The following DMXL1 variants were observed in gnomAD, a reference collection of about 807,000 sequenced individuals.
DMXL1 encodes Dmx like 1.
In DMXL1, 99 loss-of-function variants were observed where a neutral mutation model predicts 319.2. The observed-to-expected ratio is 0.31, with a 90% CI of 0.26 to 0.37. The LOEUF (loss-of-function observed/expected upper bound fraction) is 0.37, where lower values mean the gene tolerates loss of function less well. DMXL1 is among the 10% of genes least tolerant of loss of function. The pLI is 1.00. For missense variants in DMXL1, 3,745 were observed against 3,595.6 expected, an observed-to-expected ratio of 1.04 and a Z score of -1.06; for synonymous variants, 1,385 against 1,235.2, an observed-to-expected ratio of 1.12 and a Z score of -2.54.
chr5:119,101,047 C>T (rs1411677396), intron 2 of DMXL1, among the ~76,000 whole-genome samples: 1 of 152,066 alleles, frequency 6.6e-6, no homozygotes, highest in African/African-American at 2.4e-5. Context: ...TCCCAAAGTG[C>T]TGGGATTACA....
At chr5:119,236,285 G>A (rs1220784540) in intron 39 of DMXL1, 2 of 151,928 alleles carry the variant, frequency 1.3e-5, no homozygotes, top group East Asian at 1.9e-4. Flanking sequence ...TTACCACATA[G>A]GATTTAATTT....
intron 1 of DMXL1, among the ~76,000 whole-genome samples, chr5:119,097,584 G>A (rs1392742531): frequency 6.6e-6 from 1 of 152,172 alleles, no homozygotes; most frequent in Non-Finnish European, 1.5e-5. Flanking sequence ...GGGCGTGGTG[G>A]TGGGCACCTG....
chr5:119,181,878 C>T (rs1456354883), intron 28 of DMXL1, among the ~76,000 whole-genome samples: 3 of 152,164 alleles, frequency 2.0e-5, no homozygotes, highest in South Asian at 2.1e-4. Flanking sequence ...GGGAAAGAAG[C>T]GAAGGTCCTG....
At chr5:119,217,394 A>G (rs1475378990) in intron 35 of DMXL1, among the ~76,000 whole-genome samples, 1 of 152,158 alleles carries the variant, frequency 6.6e-6, no homozygotes, top group Non-Finnish European at 1.5e-5. Flanking sequence ...TACCTCCGAT[A>G]GCTGCCCAAC....
At chr5:119,177,852 C>T (rs376810808) in intron 27 of DMXL1, 144 bp from the exon 28 acceptor site, 8 of 670,088 alleles carry the variant, frequency 1.2e-5, no homozygotes, top group African/African-American at 5.5e-5. Context: ...ATAATAACCG[C>T]TACTAGTCTG....
chr5:119,196,340 G>A (rs567240667), intron 30 of DMXL1, 31 bp from the exon 31 acceptor site: 95 of 1,558,544 alleles, frequency 6.1e-5, no homozygotes, highest in Non-Finnish European at 7.5e-5. Context: ...TATAGAAATA[G>A]TTAACAGATC....
At chr5:119,087,878 T>A (rs1382261865) in intron 1 of DMXL1, among the ~76,000 whole-genome samples, 1 of 152,182 alleles carries the variant, frequency 6.6e-6, no homozygotes, top group East Asian at 1.9e-4. Flanking sequence ...CTCTGCTAAC[T>A]GCACCCTCTG....
chr5:119,163,748 TG>T (rs767748970), intron 19 of DMXL1, among the ~76,000 whole-genome samples: 50 of 152,238 alleles, frequency 3.3e-4, no homozygotes, highest in Non-Finnish European at 5.4e-4. Flanking sequence ...GCTAATTTTT[TG>T]TATTTTTAGT....
chr5:119,156,629 T>A (rs957422511), intron 19 of DMXL1, among the ~76,000 whole-genome samples: 2 of 152,262 alleles, frequency 1.3e-5, no homozygotes, highest in Middle Eastern at 6.8e-3. Flanking sequence ...GATTGGTGGA[T>A]CATGTGGTAA....
chr5:119,206,657 C>T, intron 33 of DMXL1, 177 bp from the exon 34 acceptor site: 1 of 432,664 alleles, frequency 2.3e-6, no homozygotes, highest in Non-Finnish European at 4.1e-6. Context: ...ATTTCCTAAC[C>T]ATGCACCCTC....
chr5:119,167,335 T>C (rs1773637098), intron 22 of DMXL1, among the ~76,000 whole-genome samples: 1 of 152,142 alleles, frequency 6.6e-6, no homozygotes, highest in Non-Finnish European at 1.5e-5. Flanking sequence ...TGACGTCATT[T>C]AAATTATCCA....
chr5:119,180,990 A>T (rs1239157111), intron 28 of DMXL1, among the ~76,000 whole-genome samples: 1 of 152,234 alleles, frequency 6.6e-6, no homozygotes, highest in East Asian at 1.9e-4. Context: ...TCTCAATTTC[A>T]TCCATTTTTC....
chr5:119,093,041 C>T (rs1459260396), intron 1 of DMXL1, among the ~76,000 whole-genome samples: 1 of 152,034 alleles, frequency 6.6e-6, no homozygotes, highest in East Asian at 1.9e-4. Context: ...TCCCTTATTG[C>T]ACTTCAAGTA....
At chr5:119,176,458 C>A (rs1384660558) in intron 26 of DMXL1, among the ~76,000 whole-genome samples, 1 of 151,888 alleles carries the variant, frequency 6.6e-6, no homozygotes, top group Non-Finnish European at 1.5e-5. Flanking sequence ...AATTCACTTT[C>A]TTATTATTTA....
chr5:119,209,447 T>C (rs1454706836), intron 34 of DMXL1, among the ~76,000 whole-genome samples: 3 of 151,680 alleles, frequency 2.0e-5, no homozygotes, highest in Non-Finnish European at 4.4e-5. Context: ...CCTCCTGGGC[T>C]CAAGCAGTTC....
intron 43 of DMXL1, among the ~76,000 whole-genome samples, chr5:119,246,015 G>T (rs1184286941): frequency 6.6e-6 from 1 of 152,070 alleles, no homozygotes; most frequent in African/African-American, 2.4e-5. Context: ...TTAGAAAAAT[G>T]ATCTCCAATA....
At position 119,098,082 on chromosome 5, in the gene DMXL1, A is replaced by C. The variant is rs2149781878; in HGVS notation, c.191A>C (p.Asp64Ala). The change falls in exon 2 of 44, where the codon GAC becomes GCC. Residue 64 changes from aspartate (D) to alanine (A), a missense_variant. Physicochemically the swap from Asp to Ala is moderately radical, Grantham distance 126 (BLOSUM62 -2). Around this residue, in one of 4 missense-constraint regions of DMXL1, gnomAD observed 2,096 missense variants for 1,985.4 expected, o/e 1.06. Transcript: ENST00000539542. ...KHGNIQVGCV[D>A]CSMQQGKIAA... is the part of the protein sequence containing the mutation. ...GGAAATATTCAAGTGGGATGTGTAG[A>C]CTGTTCAATGCAACAAGGCAAGGTT... 2 of 1,603,054 alleles carry C rather than the reference A, an allele frequency of 1.2e-6. No homozygotes were observed. Among genetic ancestry groups the C allele is most frequent in the East Asian group, 2.3e-5 (1 of 44,322 alleles).
intron 1 of DMXL1, among the ~76,000 whole-genome samples, chr5:119,088,651 A>G (rs1211853128): frequency 6.6e-6 from 1 of 152,048 alleles, no homozygotes; most frequent in African/African-American, 2.4e-5. Context: ...TAAAGTATTT[A>G]TTATTGGTTT....
intron 1 of DMXL1, among the ~76,000 whole-genome samples, chr5:119,084,931 C>T: frequency 6.6e-6 from 1 of 151,732 alleles, no homozygotes; most frequent in South Asian, 2.1e-4. Context: ...TTAATTCTTC[C>T]AATCCATGAG....
Sources: gnomAD v4.1 joint callset for allele counts (sites outside exome capture counted in the v4.1 genomes callset) on GRCh38, gnomAD v4.1.1 for gene constraint, gnomAD v4.1.1 regional missense constraint, MANE v1.5 for transcripts, NCBI Gene and HGNC (gene_info 2026-07-23, HGNC 2026-07-21) for gene names.